The following LPP variants were observed in gnomAD, a reference collection of about 807,000 sequenced individuals.
The protein encoded by LPP is LIM domain containing preferred translocation partner in lipoma, also known as lipoma-preferred partner.
Under a neutral mutation model 60.4 loss-of-function variants are expected in LPP, and 38 were observed. That is an observed-to-expected ratio of 0.63 (90% CI 0.49 to 0.83). The LOEUF (loss-of-function observed/expected upper bound fraction) is 0.83, where lower values mean the gene tolerates loss of function less well. LPP is among the 40% of genes least tolerant of loss of function. The pLI is 0.00. For synonymous variants in LPP, 328 were observed against 290.8 expected, an observed-to-expected ratio of 1.13 and a Z score of -1.30; for missense variants, 902 against 783.6, an observed-to-expected ratio of 1.15 and a Z score of -1.80.
chr3:188,373,678 G>A (rs1486802674), intron 3 of LPP, among the ~76,000 whole-genome samples: 1 of 152,100 alleles, frequency 6.6e-6, no homozygotes. Context: ...TCTGATGGTA[G>A]TTTCTTTTGC....
chr3:188,727,215 T>C (rs533101533), intron 8 of LPP, among the ~76,000 whole-genome samples: 99 of 152,278 alleles, frequency 6.5e-4, no homozygotes, highest in African/African-American at 2.3e-3. Flanking sequence ...GTAGGGATGA[T>C]TATAAAAGTG....
chr3:188,273,873 G>T (rs1369980916), intron 2 of LPP, among the ~76,000 whole-genome samples: 2 of 152,098 alleles, frequency 1.3e-5, no homozygotes. Flanking sequence ...TGGATTACAA[G>T]TGTGAGCCAC....
intron 4 of LPP, among the ~76,000 whole-genome samples, chr3:188,438,990 G>A (rs1364122256): frequency 6.6e-6 from 1 of 152,136 alleles, no homozygotes; most frequent in East Asian, 1.9e-4. Flanking sequence ...TGTAGTTAGT[G>A]CAGAGTATGT....
chr3:188,782,054 T>C (rs772871802), intron 9 of LPP, among the ~76,000 whole-genome samples: 3 of 152,156 alleles, frequency 2.0e-5, no homozygotes, highest in Non-Finnish European at 4.4e-5. Flanking sequence ...AGGACATCTT[T>C]TTACATGGAT....
chr3:188,581,484 A>C (rs1836099581), intron 6 of LPP, among the ~76,000 whole-genome samples: 1 of 152,108 alleles, frequency 6.6e-6, no homozygotes, highest in African/African-American at 2.4e-5. Flanking sequence ...CTTGAAGGTT[A>C]GAGACATTCG....
intron 9 of LPP, among the ~76,000 whole-genome samples, chr3:188,807,778 A>C (rs1424504439): frequency 6.6e-6 from 1 of 152,116 alleles, no homozygotes; most frequent in Non-Finnish European, 1.5e-5. Context: ...CTTTTTCACT[A>C]GAGCCTTAAA....
chr3:188,153,598 C>T (rs1326405366), upstream of LPP: 1 of 152,466 alleles, frequency 6.6e-6, no homozygotes, highest in African/African-American at 2.4e-5. Flanking sequence ...TTCTCTTCCT[C>T]CTTTGCAAGC....
In LPP at chr3:188,306,221, C is replaced by T. The variant is rs138477933; in HGVS notation, c.-66-35442C>T. Among the ~76,000 whole-genome samples, 1,389 of 151,708 alleles carry T rather than the reference C, an allele frequency of 9.2e-3. 21 individuals are homozygous for T. Among genetic ancestry groups the T allele is most frequent in the African/African-American group, 0.031 (1,297 of 41,406 alleles). ...TCAGCCTCCCAAGTAGCTGGGATTG[C>T]AGGTGTGCACCACCATGTCCAGCTA... On this transcript the variant is annotated intron_variant, in intron 2 of 11. Coordinates refer to ENST00000617246, the MANE Select transcript of LPP (RefSeq NM_001375462.1).
intron 8 of LPP, among the ~76,000 whole-genome samples, chr3:188,759,682 C>G (rs916430943): frequency 6.6e-6 from 1 of 152,184 alleles, no homozygotes. Flanking sequence ...ACCCAATTAT[C>G]TTACATTCTA....
chr3:188,635,918 A>C (rs1431947776), intron 7 of LPP, among the ~76,000 whole-genome samples: 1 of 152,254 alleles, frequency 6.6e-6, no homozygotes, highest in Non-Finnish European at 1.5e-5. Context: ...AGCTGCTTGC[A>C]AGTAATAAAC....
At chr3:188,785,555 C>T (rs368885884) in intron 9 of LPP, among the ~76,000 whole-genome samples, 53 of 122,768 alleles carry the variant, frequency 4.3e-4, no homozygotes, top group South Asian at 2.3e-3. Flanking sequence ...TATACACACA[C>T]ACACACACAC....
At chr3:188,453,532 C>T (rs1240556543) in intron 4 of LPP, among the ~76,000 whole-genome samples, 2 of 152,016 alleles carry the variant, frequency 1.3e-5, no homozygotes, top group African/African-American at 4.8e-5. Context: ...CTTGTCTCAC[C>T]TCAGCGCCAG....
intron 1 of LPP, chr3:188,179,175 C>T: frequency 2.2e-6 from 1 of 444,856 alleles, no homozygotes; most frequent in South Asian, 1.6e-5. Flanking sequence ...TCCCTATTAT[C>T]ATAGAAGCAT....
At chr3:188,841,567 T>C (rs1448574881) in intron 9 of LPP, among the ~76,000 whole-genome samples, 1 of 152,056 alleles carries the variant, frequency 6.6e-6, no homozygotes. Flanking sequence ...AATTTTTGTA[T>C]TTTCAGTAGA....
At chr3:188,449,191 A>T (rs1043313687) in intron 4 of LPP, among the ~76,000 whole-genome samples, 4 of 152,214 alleles carry the variant, frequency 2.6e-5, no homozygotes, top group African/African-American at 9.6e-5. Context: ...TCCCTTATGT[A>T]TACCAGATCC....
At chr3:188,233,618 C>T (rs1720850978) in intron 2 of LPP, among the ~76,000 whole-genome samples, 1 of 152,126 alleles carries the variant, frequency 6.6e-6, no homozygotes, top group Admixed American at 6.5e-5. Context: ...CTAAGAATGA[C>T]ATGAAAACAA....
chr3:188,451,133 A>G (rs1218148951), intron 4 of LPP, among the ~76,000 whole-genome samples: 2 of 152,016 alleles, frequency 1.3e-5, no homozygotes, highest in Non-Finnish European at 2.9e-5. Context: ...TGTTTTCTTC[A>G]TGCCATCACC....
intron 1 of LPP, among the ~76,000 whole-genome samples, chr3:188,194,984 C>T (rs536828281): frequency 3.3e-5 from 5 of 152,278 alleles, no homozygotes; most frequent in Admixed American, 6.5e-5. Flanking sequence ...CTGGGCCAGA[C>T]GCGGTGGCTC....
intron 7 of LPP, among the ~76,000 whole-genome samples, chr3:188,680,921 C>T (rs917338177): frequency 1.3e-5 from 2 of 151,658 alleles, no homozygotes; most frequent in African/African-American, 4.8e-5. Flanking sequence ...ACAGAGTAAA[C>T]GGAGCTGGGA....
Sources: allele counts gnomAD v4.1 joint callset (sites outside exome capture counted in the v4.1 genomes callset), GRCh38; gene constraint gnomAD v4.1.1; transcripts MANE v1.5; gene names NCBI Gene and HGNC (gene_info 2026-07-23, HGNC 2026-07-21).